SFPQ: variants seen among roughly 807,000 people sequenced by gnomAD.
SFPQ encodes the protein splicing factor, proline- and glutamine-rich.
A neutral mutation model predicts 72.9 loss-of-function variants in SFPQ; 11 were observed. The ratio of observed to expected loss-of-function variants is 0.15; its 90% CI spans 0.09 to 0.25. The LOEUF is 0.25. SFPQ is among the 10% of genes least tolerant of loss of function. The probability of loss-of-function intolerance (pLI) is 1.00; values close to 1 mark genes in which losing one functional copy is unlikely to be tolerated. For synonymous variants in SFPQ, 506 were observed against 367.3 expected, an observed-to-expected ratio of 1.38 and a Z score of -4.32; for missense variants, 847 against 993.3, an observed-to-expected ratio of 0.85 and a Z score of 1.98.
downstream of SFPQ, chr1:35,181,426 C>T: frequency 9.4e-7 from 1 of 1,063,930 alleles, no homozygotes; most frequent in East Asian, 5.0e-5. Flanking sequence ...ATTACAATTT[C>T]CCCATTTTTT....
At chr1:35,191,136 C>T (rs1363969522) in intron 2 of SFPQ, 141 bp from the exon 3 acceptor site, 7 of 834,948 alleles carry the variant, frequency 8.4e-6, no homozygotes, top group Non-Finnish European at 1.3e-5. Context: ...ACTAACACCA[C>T]TTAGTTTACC....
rs1639599398 is a variant in SFPQ at position 35,184,154 on chromosome 1, A to T, written c.*302T>A. 2 of 308,426 alleles carry T rather than the reference A, an allele frequency of 6.5e-6. No individual in the cohort carries two copies. The highest frequency in any genetic ancestry group is 1.4e-4 in the East Asian group (1 of 7,402). 19.1% of individuals were successfully genotyped at this position (308,426 alleles called of 1,614,324 possible). ...TTTTTCTATTTATTTGAAGCACAGT[A>T]AAAAAAAAAAAATTGGTACACTTTG... On this transcript the variant is annotated 3_prime_UTR_variant, in exon 10 of 10. Coordinates refer to ENST00000357214, the MANE Select transcript of SFPQ (RefSeq NM_005066.3).
chr1:35,178,750 G>T (rs1294196288), downstream of SFPQ: 1 of 1,054,000 alleles, frequency 9.5e-7, no homozygotes, highest in Non-Finnish European at 1.1e-6. Flanking sequence ...CTCCCTGAAT[G>T]ATTACTGCAA....
intron 4 of SFPQ, among the ~76,000 whole-genome samples, chr1:35,190,030 G>A (rs1219556499): frequency 6.6e-6 from 1 of 152,174 alleles, no homozygotes; most frequent in Non-Finnish European, 1.5e-5. Flanking sequence ...AGAGGCCGAG[G>A]TGGGCGACTC....
intron 9 of SFPQ, among the ~76,000 whole-genome samples, chr1:35,186,117 A>C (rs1006046589): frequency 1.3e-5 from 2 of 152,174 alleles, no homozygotes; most frequent in African/African-American, 4.8e-5. Flanking sequence ...CTTATACAAA[A>C]TCCTTATGTT....
downstream of SFPQ, chr1:35,182,854 C>A (rs1043424262): frequency 2.9e-6 from 3 of 1,047,164 alleles, no homozygotes; most frequent in Non-Finnish European, 3.5e-6. Context: ...CAACAATAAA[C>A]AATCTACTTT....
intron 6 of SFPQ, 141 bp from the exon 7 acceptor site, chr1:35,188,231 C>A: frequency 1.5e-6 from 1 of 665,668 alleles, no homozygotes; most frequent in South Asian, 1.8e-5. Flanking sequence ...GGGCATAGTA[C>A]TAAAGACATT....
chr1:35,186,945 A>C (rs1480288962), intron 9 of SFPQ, 56 bp downstream of exon 9: 2 of 1,559,128 alleles, frequency 1.3e-6, no homozygotes, highest in Non-Finnish European at 1.7e-6. Context: ...AAACAAACAC[A>C]CCTAAGTTGT....
At chr1:35,181,723 A>G, downstream of SFPQ, 1 of 1,061,002 alleles carries the variant, frequency 9.4e-7, no homozygotes. Context: ...AAAAATGGCT[A>G]AAATACTTCA....
In SFPQ at chr1:35,192,905, G is replaced by C; in HGVS notation, c.145C>G (p.Pro49Ala). Residue 49 changes from proline to alanine, a missense_variant, in exon 1 of 10, where the codon CCT (proline) becomes GCT (alanine). By Grantham distance (27) the Pro-to-Ala change is conservative. This residue lies in a region of SFPQ where 498 missense variants were observed against 405.1 expected (regional missense o/e 1.23). Coordinates refer to ENST00000357214, the MANE Select transcript of SFPQ (RefSeq NM_005066.3). Reference protein sequence around the residue: ...GLNQNRGPMGPGPGQSGPKPP... With the variant: ...GLNQNRGPMGAGPGQSGPKPP... ...TTAGGGCCGCTCTGGCCCGGGCCAG[G>C]ACCCATGGGGCCGCGATTCTGATTG... The C allele has an allele frequency of 6.3e-7, 1 of 1,579,460 alleles. No individual in the cohort carries two copies. Among genetic ancestry groups the C allele is most frequent in the Non-Finnish European group, 8.5e-7 (1 of 1,170,986 alleles).
chr1:35,183,816 T>C lies in SFPQ; in HGVS notation c.*640A>G. 9.5e-7 allele frequency: 1 copy of C among 1,055,224 alleles called. No individual in the cohort carries two copies. The highest frequency in any genetic ancestry group is 1.1e-6 in the Non-Finnish European group (1 of 872,718). The allele number at this position is 1,055,224 out of a possible 1,614,324, so 65.4% of individuals were successfully genotyped here. A position where few individuals can be genotyped will look rare whatever the true frequency, so the allele number is the denominator to read the frequency against. On this transcript the variant is annotated 3_prime_UTR_variant, in exon 10 of 10. Coordinates refer to ENST00000357214, the MANE Select transcript of SFPQ (RefSeq NM_005066.3). ...CCCCCTACCAATTGTCTTACACCCA[T>C]TCCACAATCTTAATACATATTCCTG...
chr1:35,191,081 T>C, intron 2 of SFPQ, 86 bp from the exon 3 acceptor site: 1 of 1,215,852 alleles, frequency 8.2e-7, no homozygotes, highest in Non-Finnish European at 1.2e-6. Flanking sequence ...TCCTACTCCC[T>C]TTCTTCCTTC....
downstream of SFPQ, chr1:35,179,602 AATTC>A: frequency 9.5e-7 from 1 of 1,054,388 alleles, no homozygotes; most frequent in Non-Finnish European, 1.1e-6. Flanking sequence ...TAAGATTCAC[AATTC>A]ATTGCTACAT....
intron 7 of SFPQ, 92 bp from the exon 8 acceptor site, chr1:35,187,343 A>C: frequency 8.4e-7 from 1 of 1,188,370 alleles, no homozygotes; most frequent in Non-Finnish European, 1.2e-6. Flanking sequence ...TAAATAAAAA[A>C]CATGGTAAAG....
rs1481374504 is a variant in SFPQ, at chr1:35,192,886, C to A, written c.164G>T (p.Gly55Val). ...CGGTGGCGGGATCGGAGGCTTAGGG[C>A]CGCTCTGGCCCGGGCCAGGACCCAT... ...GPMGPGPGQS[G>V]PKPPIPPPPP... The change falls in exon 1 of 10, where the codon GGC (glycine) becomes GTC (valine). Residue 55 changes from glycine (G) to valine (V), a missense_variant. By Grantham distance (109) the Gly-to-Val change is moderately radical. This residue lies in a region of SFPQ where 498 missense variants were observed against 405.1 expected (regional missense o/e 1.23). Coordinates refer to ENST00000357214, the MANE Select transcript of SFPQ (RefSeq NM_005066.3). 1.9e-6 allele frequency: 3 copies of A among 1,541,934 alleles called. No individual in the cohort carries two copies. Among genetic ancestry groups the A allele is most frequent in the South Asian group, 1.2e-5 (1 of 84,458 alleles).
Position 35,183,170 on chromosome 1 carries a change from G to A in SFPQ, c.*1286C>T. 9.8e-7 allele frequency: 1 copy of A among 1,019,302 alleles called. No individual in the cohort carries two copies. 63.1% of individuals were successfully genotyped at this position (1,019,302 alleles called of 1,614,324 possible). A position where few individuals can be genotyped will look rare whatever the true frequency, so the allele number is the denominator to read the frequency against. On this transcript the variant is annotated 3_prime_UTR_variant, in exon 10 of 10. Coordinates refer to ENST00000357214, the MANE Select transcript of SFPQ (RefSeq NM_005066.3). ...CCCAACAGAAGTAGCACAAGGAGATGTAAAAGTTACAGAGTACAAATGTAT... is the reference window on the plus strand; with the variant it reads ...CCCAACAGAAGTAGCACAAGGAGATATAAAAGTTACAGAGTACAAATGTAT...
At chr1:35,191,058 T>C in intron 2 of SFPQ, 63 bp from the exon 3 acceptor site, 2 of 1,398,180 alleles carry the variant, frequency 1.4e-6, no homozygotes, top group Non-Finnish European at 2.0e-6. Flanking sequence ...TCTTAAATTG[T>C]CATAGGCCTA....
At chr1:35,179,947 T>TTGA (rs1230478509), downstream of SFPQ, 1 of 1,054,988 alleles carries the variant, frequency 9.5e-7, no homozygotes, top group African/African-American at 1.7e-5. Context: ...AGCATTATAC[T>TTGA]TGATCTGCAT....
chr1:35,182,394 T>C (rs1029914085), downstream of SFPQ: 3 of 985,296 alleles, frequency 3.0e-6, no homozygotes, highest in African/African-American at 5.2e-5. Flanking sequence ...AAACTACTCA[T>C]ATTTCCGAGT....
Sources: gnomAD v4.1 joint callset for allele counts (sites outside exome capture counted in the v4.1 genomes callset) on GRCh38, gnomAD v4.1.1 for gene constraint, gnomAD v4.1.1 regional missense constraint, MANE v1.5 for transcripts, NCBI Gene and HGNC (gene_info 2026-07-23, HGNC 2026-07-21) for gene names.